CAV1: variants seen among roughly 807,000 people sequenced by gnomAD.
CAV1 encodes the protein caveolin 1.
In CAV1, 10 loss-of-function variants were observed where a neutral mutation model predicts 16.5. The observed-to-expected ratio is 0.61, with a 90% confidence interval of 0.37 to 1.03. The LOEUF (loss-of-function observed/expected upper bound fraction) is 1.03, where lower values mean the gene tolerates loss of function less well. Among genes scored for constraint, CAV1 ranks in the 50% least tolerant of loss-of-function variants. The probability of loss-of-function intolerance (pLI) is 0.01; values close to 1 mark genes in which losing one functional copy is unlikely to be tolerated. For missense variants in CAV1, 212 were observed against 232.8 expected (o/e 0.91, Z 0.58); for synonymous variants, 76 against 85.1 (o/e 0.89, Z 0.59).
At chr7:116,558,031 G>A (rs74326412) in intron 2 of CAV1, among the ~76,000 whole-genome samples, 13 of 152,118 alleles carry the variant, frequency 8.5e-5, no homozygotes, top group East Asian at 3.9e-4. Flanking sequence ...CATTTCCAAC[G>A]TCCCATTGTT....
At chr7:116,556,281 A>T (rs563801627) in intron 2 of CAV1, among the ~76,000 whole-genome samples, 2 of 152,238 alleles carry the variant, frequency 1.3e-5, no homozygotes, top group Non-Finnish European at 2.9e-5. Flanking sequence ...CCAATTGTGT[A>T]TATGGTGTAA....
chr7:116,526,688 A>G lies in CAV1; in HGVS notation c.194A>G (p.Lys65Arg), dbSNP rs759912234. ...AAACACCTCAACGATGACGTGGTCA[A>G]GGTAAGCCAAGGCGACCAACAGGGA... The part of the protein sequence containing the change: ...DPKHLNDDVV[K>R]IDFEDVIAEP... Residue 65 changes from lysine (K) to arginine (R), a missense_variant and splice_region_variant, in exon 2 of 3, where the codon AAG becomes AGG. Physicochemically the swap from Lys to Arg is conservative, Grantham distance 26. Coordinates refer to ENST00000341049, the MANE Select transcript of CAV1 (RefSeq NM_001753.5). The G allele has an allele frequency of 1.9e-5, 31 of 1,614,126 alleles. No individual in the cohort carries two copies. Among genetic ancestry groups the G allele is most frequent in the Non-Finnish European group, 2.2e-5 (26 of 1,180,026 alleles).
At chr7:116,536,547 A>G (rs1183237270) in intron 2 of CAV1, among the ~76,000 whole-genome samples, 1 of 152,142 alleles carries the variant, frequency 6.6e-6, no homozygotes, top group Non-Finnish European at 1.5e-5. Context: ...GAGCAACCAG[A>G]GCCTTGAGGG....
chr7:116,546,113 G>A (rs1794040821), intron 2 of CAV1, among the ~76,000 whole-genome samples: 1 of 152,080 alleles, frequency 6.6e-6, no homozygotes, highest in South Asian at 2.1e-4. Flanking sequence ...CCATGCTATC[G>A]CTGGCCCTTC....
chr7:116,536,658 A>T (rs1793823060), intron 2 of CAV1, among the ~76,000 whole-genome samples: 1 of 152,168 alleles, frequency 6.6e-6, no homozygotes, highest in Non-Finnish European at 1.5e-5. Flanking sequence ...CAGCAAAGGC[A>T]TTTGTCTCTT....
chr7:116,537,968 C>A (rs749797096), intron 2 of CAV1, among the ~76,000 whole-genome samples: 33 of 152,144 alleles, frequency 2.2e-4, no homozygotes, highest in Non-Finnish European at 4.6e-4. Flanking sequence ...AAGGTAGAAT[C>A]GCTTAAGTCT....
Position 116,559,740 on chromosome 7 carries a change from G to A in CAV1, c.*453G>A, listed in dbSNP as rs1244704810. 2 of 434,816 alleles carry A rather than the reference G, an allele frequency of 4.6e-6. No homozygotes were observed. The highest frequency in any genetic ancestry group is 4.1e-5 in the African/African-American group (2 of 48,830). 26.9% of individuals were successfully genotyped at this position (434,816 alleles called of 1,614,324 possible). A position where few individuals can be genotyped will look rare whatever the true frequency, so the allele number is the denominator to read the frequency against. ...GTACAAGTATGTGGGCAGATTTTCA[G>A]CAAACTCTTTTCCCACTGTTTAAGG... On this transcript the variant is annotated 3_prime_UTR_variant, in exon 3 of 3. Coordinates refer to ENST00000341049, the MANE Select transcript of CAV1 (RefSeq NM_001753.5).
rs2116119188 is a variant in CAV1, at chr7:116,559,449, T to A, written c.*162T>A. On this transcript the variant is annotated 3_prime_UTR_variant, in exon 3 of 3. Coordinates refer to ENST00000341049, the MANE Select transcript of CAV1 (RefSeq NM_001753.5). ...TCTCAGTTTTCATAAGTATTATGTC[T>A]CTTCTGAGCTATTTCATCTATTTTT... is the stretch of plus-strand genomic sequence containing the variant. 1 of 625,288 alleles carries A rather than the reference T, an allele frequency of 1.6e-6. No homozygotes were observed. The highest frequency in any genetic ancestry group is 2.8e-6 in the Non-Finnish European group (1 of 357,042). 38.7% of individuals were successfully genotyped at this position (625,288 alleles called of 1,614,324 possible). A position where few individuals can be genotyped will look rare whatever the true frequency, so the allele number is the denominator to read the frequency against.
At chr7:116,537,943 G>A (rs952186966) in intron 2 of CAV1, among the ~76,000 whole-genome samples, 5 of 152,206 alleles carry the variant, frequency 3.3e-5, no homozygotes, top group Admixed American at 2.0e-4. Flanking sequence ...AACCAGACAC[G>A]TTGCAGTGGT....
At chr7:116,525,519 C>G (rs1490940898) in intron 1 of CAV1, 2 of 1,232,882 alleles carry the variant, frequency 1.6e-6, no homozygotes, top group African/African-American at 3.1e-5. Flanking sequence ...CGGGACTCTC[C>G]GCCAGGCGCC....
intron 2 of CAV1, among the ~76,000 whole-genome samples, chr7:116,528,822 T>TTTAG (rs1343750442): frequency 6.6e-6 from 1 of 151,718 alleles, no homozygotes; most frequent in Non-Finnish European, 1.5e-5. Flanking sequence ...TATTTTTATT[T>TTTAG]TTATTTATTT....
chr7:116,559,423 T>G lies in CAV1; in HGVS notation c.*136T>G. The G allele has an allele frequency of 5.9e-6, 4 of 683,172 alleles. No homozygotes were observed. Among genetic ancestry groups the G allele is most frequent in the Non-Finnish European group, 1.0e-5 (4 of 391,524 alleles). The allele number at this position is 683,172 out of a possible 1,614,324, so 42.3% of individuals were successfully genotyped here. A position where few individuals can be genotyped will look rare whatever the true frequency, so the allele number is the denominator to read the frequency against. On this transcript the variant is annotated 3_prime_UTR_variant, in exon 3 of 3. Transcript: ENST00000341049. ...CTTGGTTGAAAATAAAAAGATCACT[T>G]TCTCAGTTTTCATAAGTATTATGTC...
rs1165844908 is a variant in CAV1, at chr7:116,544,897, T to TTTATGGGCACTG, written c.196-14048_196-14047insTATGGGCACTGT. 1.5e-4 allele frequency among the ~76,000 whole-genome samples: 23 copies of TTTATGGGCACTG among 152,276 alleles called. No individual in the cohort carries two copies. In the East Asian group the frequency reaches 3.9e-3, roughly 26 times the overall value. Reference sequence around the variant, plus strand: ...TCTATTTTATAGGCACTGTCCCCTTTTCAGTTACCCATGGCTAGCTCATTG... The same window carrying TTTATGGGCACTG: ...TCTATTTTATAGGCACTGTCCCCTTTTTATGGGCACTGTCAGTTACCCATGGCTAGCTCATTG... On this transcript the variant is annotated intron_variant, in intron 2 of 2. Transcript: ENST00000341049.
chr7:116,555,106 G>A (rs1794232391), intron 2 of CAV1, among the ~76,000 whole-genome samples: 1 of 152,016 alleles, frequency 6.6e-6, no homozygotes, highest in Non-Finnish European at 1.5e-5. Flanking sequence ...GCCCTTATGT[G>A]CTTTGCAGCT....
At chr7:116,529,312 G>C (rs1453603123) in intron 2 of CAV1, among the ~76,000 whole-genome samples, 1 of 152,184 alleles carries the variant, frequency 6.6e-6, no homozygotes, top group Admixed American at 6.5e-5. Flanking sequence ...CTAAAAGCAA[G>C]CAGCCCTGTA....
intron 2 of CAV1, among the ~76,000 whole-genome samples, chr7:116,555,015 A>T (rs1210456477): frequency 1.3e-5 from 2 of 152,196 alleles, no homozygotes; most frequent in Non-Finnish European, 2.9e-5. Context: ...GAATAATGAC[A>T]TGCACTTCAG....
chr7:116,539,223 C>T (rs1255543012), intron 2 of CAV1, among the ~76,000 whole-genome samples: 2 of 152,086 alleles, frequency 1.3e-5, no homozygotes, highest in South Asian at 4.2e-4. Context: ...TTGTTTTTAT[C>T]TCTGCTGTGG....
chr7:116,549,908 G>A (rs145486973), intron 2 of CAV1, among the ~76,000 whole-genome samples: 1 of 152,240 alleles, frequency 6.6e-6, no homozygotes, highest in East Asian at 1.9e-4. Context: ...CACTACAGGT[G>A]ACTACATTTA....
At chr7:116,546,112 C>T (rs1307957211) in intron 2 of CAV1, among the ~76,000 whole-genome samples, 2 of 152,184 alleles carry the variant, frequency 1.3e-5, no homozygotes, top group Non-Finnish European at 2.9e-5. Context: ...TCCATGCTAT[C>T]GCTGGCCCTT....
Sources: gnomAD v4.1 joint callset for allele counts (sites outside exome capture counted in the v4.1 genomes callset) on GRCh38, gnomAD v4.1.1 for gene constraint, MANE v1.5 for transcripts, NCBI Gene and HGNC (gene_info 2026-07-23, HGNC 2026-07-21) for gene names.